ZNF599: variants seen among roughly 807,000 people sequenced by gnomAD.
The protein encoded by ZNF599 is zinc finger protein 599.
ZNF599 carries 10 observed loss-of-function variants against 11.7 expected under a neutral mutation model. The observed-to-expected ratio is 0.86, with a 90% CI of 0.53 to 1.45. The LOEUF (loss-of-function observed/expected upper bound fraction) is 1.45, where lower values mean the gene tolerates loss of function less well. ZNF599 is among the 40% of genes most tolerant of loss of function. The probability of loss-of-function intolerance (pLI) is 0.00; values close to 1 mark genes in which losing one functional copy is unlikely to be tolerated. For synonymous variants in ZNF599, 232 were observed against 253.2 expected, an observed-to-expected ratio of 0.92 and a Z score of 0.79; for missense variants, 688 against 713.6, an observed-to-expected ratio of 0.96 and a Z score of 0.41.
At chr19:34,778,932 A>G in the ZNF599 span, among the ~76,000 whole-genome samples, 10 of 152,074 alleles carry the variant, frequency 6.6e-5, no homozygotes, top group South Asian at 2.1e-3. Flanking sequence ...CATACAAAAT[A>G]ATTTCCCAAA....
upstream of ZNF599, among the ~76,000 whole-genome samples, chr19:34,773,397 T>C (rs2069199716): frequency 6.6e-6 from 1 of 151,888 alleles, no homozygotes; most frequent in African/African-American, 2.4e-5. Flanking sequence ...AAGAAAGGGA[T>C]TGGCTTCACC....
At chr19:34,772,165 T>C (rs1207713305) in intron 1 of ZNF599, among the ~76,000 whole-genome samples, 1 of 152,236 alleles carries the variant, frequency 6.6e-6, no homozygotes, top group Non-Finnish European at 1.5e-5. Context: ...ATGAATATTG[T>C]GCTGGATTTG....
the ZNF599 span, among the ~76,000 whole-genome samples, chr19:34,801,826 C>T: frequency 2.0e-5 from 3 of 152,200 alleles, 1 homozygote; most frequent in South Asian, 6.2e-4. Context: ...CAGCCCTTCA[C>T]GAAAAAGCTC....
At chr19:34,805,323 G>A in the ZNF599 span, among the ~76,000 whole-genome samples, 6 of 149,704 alleles carry the variant, frequency 4.0e-5, no homozygotes, top group African/African-American at 1.2e-4. Flanking sequence ...TCAGCCTCCC[G>A]AGTAGCTGGG....
At chr19:34,766,511 T>C (rs1218119117) in intron 3 of ZNF599, among the ~76,000 whole-genome samples, 1 of 152,226 alleles carries the variant, frequency 6.6e-6, no homozygotes, top group Non-Finnish European at 1.5e-5. Flanking sequence ...GCTATCACTA[T>C]TCCTTATGAC....
the ZNF599 span, among the ~76,000 whole-genome samples, chr19:34,783,516 G>A: frequency 6.6e-6 from 1 of 152,178 alleles, no homozygotes; most frequent in Non-Finnish European, 1.5e-5. Context: ...AAGCAGGCAG[G>A]TAGGAGTAGG....
intron 1 of ZNF599, among the ~76,000 whole-genome samples, chr19:34,771,072 C>T (rs547034447): frequency 7.8e-4 from 119 of 152,074 alleles, no homozygotes; most frequent in African/African-American, 2.7e-3. Context: ...TTCAGGAGTT[C>T]GAGGCCAGCC....
chr19:34,773,236 A>G (rs2069198243), upstream of ZNF599: 1 of 224,332 alleles, frequency 4.5e-6, no homozygotes, highest in Non-Finnish European at 8.7e-6. Context: ...CCACGCCGCT[A>G]CGGGAACGCC....
chr19:34,774,952 A>G (rs182729251), upstream of ZNF599, among the ~76,000 whole-genome samples: 179 of 152,258 alleles, frequency 1.2e-3, no homozygotes, highest in African/African-American at 4.0e-3. Context: ...TATTCTTGAG[A>G]TAATGAGTTT....
At chr19:34,765,194 G>A (rs1361689810) in intron 3 of ZNF599, 1 of 175,270 alleles carries the variant, frequency 5.7e-6, no homozygotes, top group Non-Finnish European at 1.2e-5. Context: ...GGCTTCTCAT[G>A]ATCCCCAAGT....
intron 3 of ZNF599, chr19:34,765,577 TA>T: frequency 2.8e-6 from 2 of 703,014 alleles, no homozygotes; most frequent in Non-Finnish European, 5.2e-6. Context: ...AAGTGTAATC[TA>T]GATTCTGCTG....
upstream of ZNF599, among the ~76,000 whole-genome samples, chr19:34,776,218 T>C (rs1156852002): frequency 2.6e-5 from 4 of 152,260 alleles, no homozygotes; most frequent in Non-Finnish European, 5.9e-5. Flanking sequence ...GTAACTTTAA[T>C]GTAAATTGTT....
intron 3 of ZNF599, chr19:34,762,894 T>C (rs2069120877): frequency 6.6e-6 from 1 of 152,250 alleles, no homozygotes; most frequent in South Asian, 2.1e-4. Flanking sequence ...TGACTTTTTA[T>C]TGTGATAAAA....
chr19:34,786,399 A>G, the ZNF599 span, among the ~76,000 whole-genome samples: 2 of 152,086 alleles, frequency 1.3e-5, no homozygotes, highest in African/African-American at 2.4e-5. Flanking sequence ...TGGTCCCTAC[A>G]TCTCTCGCAA....
chr19:34,775,342 C>A (rs1394513473), upstream of ZNF599, among the ~76,000 whole-genome samples: 1 of 152,136 alleles, frequency 6.6e-6, no homozygotes, highest in Non-Finnish European at 1.5e-5. Context: ...TGCTGATATA[C>A]AATACAGCAT....
the ZNF599 span, among the ~76,000 whole-genome samples, chr19:34,803,126 C>A: frequency 1.3e-5 from 2 of 152,138 alleles, no homozygotes; most frequent in Non-Finnish European, 2.9e-5. Flanking sequence ...AGGCTGACGG[C>A]AAGACTCCTG....
chr19:34,792,691 G>A, the ZNF599 span, among the ~76,000 whole-genome samples: 16 of 152,008 alleles, frequency 1.1e-4, no homozygotes, highest in African/African-American at 2.2e-4. Context: ...GTGAAAACCC[G>A]TCTCTACTAA....
Position 34,758,281 on chromosome 19 carries a change from T to C in ZNF599, c.*753A>G, listed in dbSNP as rs891044460. On this transcript the variant is annotated 3_prime_UTR_variant, in exon 4 of 4. Transcript: ENST00000329285. ...TCATTCAGCATTCACTAATTCAGTG[T>C]GCACAGAAAATTCACAGAACCTAAC... The C allele has an allele frequency of 6.6e-6, 1 of 152,196 alleles. No individual in the cohort carries two copies. Among genetic ancestry groups the C allele is most frequent in the Non-Finnish European group, 1.5e-5 (1 of 68,040 alleles). 9.4% of individuals were successfully genotyped at this position (152,196 alleles called of 1,614,324 possible). A position where few individuals can be genotyped will look rare whatever the true frequency, so the allele number is the denominator to read the frequency against.
rs778315324 is a variant in ZNF599, at chr19:34,759,742, T to C, written c.1059A>G (p.Thr353=). 1.9e-6 allele frequency: 3 copies of C among 1,612,294 alleles called. No individual in the cohort carries two copies. The highest frequency in any genetic ancestry group is 2.7e-5 in the African/African-American group (2 of 74,302). Residue 353 remains threonine (T), a synonymous_variant, in exon 4 of 4, where the codon ACA becomes ACG. Transcript: ENST00000329285. ...ECGKAFTHRS[T]FIQHNVTHTG... Reference sequence around the variant, plus strand: ...TGTGGGTCACATTGTGCTGGATAAATGTGGAGCGGTGCGTGAAGGCCTTTC... The same window carrying C: ...TGTGGGTCACATTGTGCTGGATAAACGTGGAGCGGTGCGTGAAGGCCTTTC...
Sources: allele counts gnomAD v4.1 joint callset (sites outside exome capture counted in the v4.1 genomes callset), GRCh38; gene constraint gnomAD v4.1.1; transcripts MANE v1.5; gene names NCBI Gene and HGNC (gene_info 2026-07-23, HGNC 2026-07-21).